Variants in SVOP observed in about 807,000 individuals in gnomAD.
The protein encoded by SVOP is SV2 related protein, also known as synaptic vesicle 2-related protein.
SVOP carries 17 observed loss-of-function variants against 69.1 expected under a neutral mutation model. The ratio of observed to expected loss-of-function variants is 0.25; its 90% CI spans 0.17 to 0.37. The LOEUF (loss-of-function observed/expected upper bound fraction) is 0.37, where lower values mean the gene tolerates loss of function less well. SVOP is among the 10% of genes least tolerant of loss of function. The pLI is 1.00. For synonymous variants in SVOP, 238 were observed against 238.6 expected, an observed-to-expected ratio of 1.00 and a Z score of 0.02; for missense variants, 435 against 597.5, an observed-to-expected ratio of 0.73 and a Z score of 2.84.
intron 11 of SVOP, among the ~76,000 whole-genome samples, chr12:108,927,678 A>C (rs2039789740): frequency 6.7e-6 from 1 of 149,066 alleles, no homozygotes; most frequent in South Asian, 2.1e-4. Context: ...CGCTCACTGC[A>C]ACCCTCCACA....
intron 1 of SVOP, among the ~76,000 whole-genome samples, chr12:109,012,652 G>A (rs1407841098): frequency 6.6e-6 from 1 of 152,162 alleles, no homozygotes; most frequent in Non-Finnish European, 1.5e-5. Context: ...ATACGGCCAG[G>A]TATGGTGGTT....
rs2039887293 is a variant in SVOP at position 108,940,888 on chromosome 12, C to G, written c.664G>C (p.Val222Leu). The stretch of plus-strand genomic sequence containing the variant: ...AACACAGCCAGGACGACCTCGAACA[C>G]TGTCCCGATGGCCCAGAATACCTGG... ...LIEVFWAIGT[V>L]FEVVLAVFVM... The change falls in exon 8 of 16, where the codon GTG becomes CTG. Residue 222 changes from valine to leucine, a missense_variant. Transcript: ENST00000610966. The G allele has an allele frequency of 6.5e-7, 1 of 1,537,016 alleles. No individual in the cohort carries two copies.
chr12:108,930,664 AC>A (rs2039811872), intron 11 of SVOP, among the ~76,000 whole-genome samples: 1 of 152,078 alleles, frequency 6.6e-6, no homozygotes, highest in South Asian at 2.1e-4. Context: ...TGAACTCCTG[AC>A]CTCAGGTGAT....
intron 2 of SVOP, among the ~76,000 whole-genome samples, 178 bp downstream of exon 2, chr12:108,983,417 GGATTGT>G (rs1408795168): frequency 6.6e-6 from 1 of 152,156 alleles, no homozygotes; most frequent in Admixed American, 6.6e-5. Flanking sequence ...TGACTGGCAG[GGATTGT>G]GATGTAACCT....
chr12:109,011,872 A>G (rs561517347), intron 1 of SVOP, among the ~76,000 whole-genome samples: 45 of 152,304 alleles, frequency 3.0e-4, no homozygotes, highest in African/African-American at 9.9e-4. Context: ...ATACTGCATG[A>G]TCTCATTTAT....
Position 108,978,654 on chromosome 12 carries a change from A to G in SVOP, c.206T>C (p.Met69Thr). The G allele has an allele frequency of 1.4e-6, 1 of 703,940 alleles. No homozygotes were observed. The highest frequency in any genetic ancestry group is 1.5e-5 in the South Asian group (1 of 67,572). The allele number at this position is 703,940 out of a possible 1,614,324, so 43.6% of individuals were successfully genotyped here. The change falls in exon 3 of 16, where the codon ATG (methionine) becomes ACG (threonine). Residue 69 changes from methionine to threonine, a missense_variant. Coordinates refer to ENST00000610966, the MANE Select transcript of SVOP (RefSeq NM_018711.5). ...EFANPTDDTF[M>T]VEDAVEAIGF... Reference sequence around the variant, plus strand: ...AATGGCTTCCACTGCATCTTCCACCATGAAAGTATCTGGGAAGGAGAAAGG... The same window carrying G: ...AATGGCTTCCACTGCATCTTCCACCGTGAAAGTATCTGGGAAGGAGAAAGG...
At chr12:108,921,900 T>C (rs533204153) in intron 12 of SVOP, among the ~76,000 whole-genome samples, 2 of 152,324 alleles carry the variant, frequency 1.3e-5, no homozygotes, top group South Asian at 4.1e-4. Context: ...AACACAGGCC[T>C]TGGCATACAA....
intron 11 of SVOP, among the ~76,000 whole-genome samples, chr12:108,928,052 C>T (rs946903441): frequency 3.9e-5 from 6 of 151,992 alleles, no homozygotes; most frequent in South Asian, 4.2e-4. Flanking sequence ...ATTACAGGCA[C>T]ATGCCATCAT....
chr12:108,982,088 CTATCATCATCAT>C (rs1458517586), intron 2 of SVOP, among the ~76,000 whole-genome samples: 2 of 151,062 alleles, frequency 1.3e-5, no homozygotes, highest in Non-Finnish European at 3.0e-5. Flanking sequence ...ATCATCATCA[CTATCATCATCAT>C]CACCATCGTA....
intron 10 of SVOP, 104 bp downstream of exon 10, chr12:108,937,160 G>C: frequency 1.7e-6 from 2 of 1,168,182 alleles, no homozygotes; most frequent in Non-Finnish European, 2.6e-6. Flanking sequence ...ATTTGCAAAC[G>C]CTGCCTGAAA....
At chr12:108,927,819 C>G (rs2039790434) in intron 11 of SVOP, among the ~76,000 whole-genome samples, 1 of 152,040 alleles carries the variant, frequency 6.6e-6, no homozygotes, top group African/African-American at 2.4e-5. Context: ...TGGTCTTGAA[C>G]TCCTGAGCTC....
Position 108,910,207 on chromosome 12 carries a change from C to A in SVOP, c.*2328G>T, listed in dbSNP as rs1410585248. Reference sequence around the variant, plus strand: ...TCGATCTCCTGACCTTGTGATCCGCCCGCCTCGGCCTCCAAAAGTGCTGGG... The same window carrying A: ...TCGATCTCCTGACCTTGTGATCCGCACGCCTCGGCCTCCAAAAGTGCTGGG... On this transcript the variant is annotated 3_prime_UTR_variant, in exon 16 of 16. Coordinates refer to ENST00000610966, the MANE Select transcript of SVOP (RefSeq NM_018711.5). The A allele has an allele frequency of 6.6e-6, 1 of 152,264 alleles. No individual in the cohort carries two copies. Among genetic ancestry groups the A allele is most frequent in the Non-Finnish European group, 1.5e-5 (1 of 68,104 alleles). 9.4% of individuals were successfully genotyped at this position (152,264 alleles called of 1,614,324 possible). A position where few individuals can be genotyped will look rare whatever the true frequency, so the allele number is the denominator to read the frequency against.
chr12:109,003,884 AG>A (rs1270268834), intron 1 of SVOP, among the ~76,000 whole-genome samples: 1 of 152,174 alleles, frequency 6.6e-6, no homozygotes, highest in Non-Finnish European at 1.5e-5. Context: ...CTGGGATTAC[AG>A]GCGTGAGCCA....
At chr12:108,918,627 G>A (rs1189920440) in intron 13 of SVOP, among the ~76,000 whole-genome samples, 1 of 152,186 alleles carries the variant, frequency 6.6e-6, no homozygotes, top group East Asian at 1.9e-4. Flanking sequence ...CTCACTAGGT[G>A]TGGTCTGGGG....
intron 1 of SVOP, among the ~76,000 whole-genome samples, chr12:108,989,489 C>T (rs932372760): frequency 1.3e-5 from 2 of 152,220 alleles, no homozygotes; most frequent in East Asian, 3.8e-4. Context: ...CTAGCCTCAG[C>T]CTGACCCCAC....
At chr12:108,949,275 C>CT (rs36173334) in intron 6 of SVOP, among the ~76,000 whole-genome samples, 84,019 of 150,382 alleles carry the variant, frequency 0.56, 23,947 homozygotes, top group South Asian at 0.63. Flanking sequence ...AATCTTTCAG[C>CT]TTTTTTTTTG....
chr12:108,991,325 C>T (rs1232761919), intron 1 of SVOP, among the ~76,000 whole-genome samples: 1 of 152,100 alleles, frequency 6.6e-6, no homozygotes, highest in African/African-American at 2.4e-5. Context: ...AAGAGGTCTG[C>T]ATGGTGGCTC....
chr12:108,998,693 T>C (rs2040250622), intron 1 of SVOP, among the ~76,000 whole-genome samples: 1 of 151,892 alleles, frequency 6.6e-6, no homozygotes, highest in Admixed American at 6.6e-5. Context: ...AACCTAGAAT[T>C]TCATATCCAG....
intron 1 of SVOP, among the ~76,000 whole-genome samples, chr12:109,006,605 C>T (rs572210773): frequency 5.7e-4 from 87 of 152,166 alleles, no homozygotes; most frequent in African/African-American, 2.0e-3. Context: ...CAGAGGCTGC[C>T]GGCTTAGGTT....
Sources: allele counts gnomAD v4.1 joint callset (sites outside exome capture counted in the v4.1 genomes callset), GRCh38; gene constraint gnomAD v4.1.1; transcripts MANE v1.5; gene names NCBI Gene and HGNC (gene_info 2026-07-23, HGNC 2026-07-21).